Variants in STIM1 observed in about 807,000 individuals in gnomAD.
STIM1 encodes stromal interaction molecule 1.
STIM1 carries 25 observed loss-of-function variants against 74.7 expected under a neutral mutation model. The observed-to-expected ratio is 0.33, with a 90% CI of 0.24 to 0.47. The LOEUF is 0.47. Ranked by LOEUF, STIM1 falls within the 20% of genes least tolerant of loss-of-function variation. STIM1 has a pLI of 1.00. For synonymous variants in STIM1, 328 were observed against 348.8 expected (o/e 0.94, Z 0.66); for missense variants, 728 against 920.8 (o/e 0.79, Z 2.71).
intron 1 of STIM1, among the ~76,000 whole-genome samples, chr11:3,936,393 C>G (rs918290021): frequency 6.6e-6 from 1 of 152,142 alleles, no homozygotes; most frequent in Admixed American, 6.5e-5. Flanking sequence ...TGTTGGGGAG[C>G]AAGAGGCCCA....
intron 1 of STIM1, among the ~76,000 whole-genome samples, chr11:3,904,740 T>C (rs1425982434): frequency 3.3e-5 from 5 of 152,080 alleles, no homozygotes; most frequent in Admixed American, 1.3e-4. Flanking sequence ...GACTGGGCAT[T>C]ACTGTGATGC....
chr11:3,954,171 A>G (rs961747784), intron 1 of STIM1, among the ~76,000 whole-genome samples: 4 of 151,654 alleles, frequency 2.6e-5, no homozygotes, highest in Admixed American at 6.6e-5. Context: ...TTCTTCTCCC[A>G]TTCTCTTCTA....
At chr11:3,884,362 C>G (rs12294167) in intron 1 of STIM1, among the ~76,000 whole-genome samples, 2,915 of 152,172 alleles carry the variant, frequency 0.019, 96 homozygotes, top group African/African-American at 0.064. Flanking sequence ...TTTGGCTTTC[C>G]CTTTCCCAAG....
intron 1 of STIM1, among the ~76,000 whole-genome samples, chr11:3,885,474 T>C (rs1333576765): frequency 6.6e-6 from 1 of 152,166 alleles, no homozygotes; most frequent in Admixed American, 6.5e-5. Context: ...GCATGACCCA[T>C]AGTGCTCTGC....
intron 2 of STIM1, among the ~76,000 whole-genome samples, chr11:3,985,192 G>A (rs898822807): frequency 6.6e-6 from 1 of 152,210 alleles, no homozygotes; most frequent in African/African-American, 2.4e-5. Flanking sequence ...TAAGCAGGCT[G>A]TTGTTTTCCT....
intron 3 of STIM1, among the ~76,000 whole-genome samples, chr11:4,031,200 T>C (rs1411309863): frequency 6.6e-6 from 1 of 152,220 alleles, no homozygotes; most frequent in African/African-American, 2.4e-5. Flanking sequence ...ATTTTGAGGT[T>C]CACTTATGTT....
At chr11:3,892,348 G>A (rs2091920274) in intron 1 of STIM1, 1 of 1,166,924 alleles carries the variant, frequency 8.6e-7, no homozygotes, top group Non-Finnish European at 1.3e-6. Context: ...CTGACCTACA[G>A]AAGGAATGGT....
chr11:3,988,947 T>G (rs180731361), intron 2 of STIM1, among the ~76,000 whole-genome samples: 45 of 152,318 alleles, frequency 3.0e-4, no homozygotes, highest in Admixed American at 5.9e-4. Flanking sequence ...GTTTTCTGGT[T>G]GTACCAAAAA....
At chr11:4,031,699 C>A (rs1206853747) in intron 3 of STIM1, among the ~76,000 whole-genome samples, 3 of 152,076 alleles carry the variant, frequency 2.0e-5, no homozygotes, top group African/African-American at 7.2e-5. Flanking sequence ...TCTGTTAAAT[C>A]TTTTGTCTGC....
chr11:4,072,918 C>G (rs1343198002), intron 6 of STIM1, among the ~76,000 whole-genome samples: 2 of 152,154 alleles, frequency 1.3e-5, no homozygotes, highest in Admixed American at 6.5e-5. Flanking sequence ...AACTCCCTTT[C>G]TCTTCAGGGA....
intron 12 of STIM1, chr11:4,088,443 G>A (rs1310213324): frequency 2.3e-6 from 1 of 425,794 alleles, no homozygotes; most frequent in Non-Finnish European, 4.4e-6. Context: ...TTGCACAAAG[G>A]GATTGCCCTT....
chr11:4,091,319 A>C lies in STIM1; in HGVS notation c.1672A>C (p.Met558Leu). Residue 558 changes from methionine (M) to leucine (L), a missense_variant, in exon 13 of 13, where the codon ATG (methionine) becomes CTG (leucine). This residue lies in a region of STIM1 where 352 missense variants were observed against 370.1 expected (regional missense o/e 0.95). Coordinates refer to ENST00000526596, the MANE Select transcript of STIM1 (RefSeq NM_001382567.1). Reference sequence around the variant, plus strand: ...TTCCGATTCGGAGTCCTCCCTCCACATGAGTGACCGCCAGCGTGTGGCCCC... The same window carrying C: ...TTCCGATTCGGAGTCCTCCCTCCACCTGAGTGACCGCCAGCGTGTGGCCCC... The part of the protein sequence containing the change: ...THSDSESSLH[M>L]SDRQRVAPKP... The C allele has an allele frequency of 1.9e-6, 3 of 1,614,100 alleles. No homozygotes were observed. The highest frequency in any genetic ancestry group is 2.5e-6 in the Non-Finnish European group (3 of 1,180,010).
At chr11:3,929,112 A>G (rs912651631) in intron 1 of STIM1, among the ~76,000 whole-genome samples, 4 of 152,104 alleles carry the variant, frequency 2.6e-5, no homozygotes, top group South Asian at 2.1e-4. Flanking sequence ...CAGCCTCCCA[A>G]AGTGCTGGGA....
chr11:4,060,552 G>C (rs1309456965), intron 5 of STIM1, among the ~76,000 whole-genome samples: 1 of 152,154 alleles, frequency 6.6e-6, no homozygotes, highest in Non-Finnish European at 1.5e-5. Context: ...GGGGAGTGGA[G>C]GGTTCTAGGA....
chr11:4,007,859 A>T (rs550535744), intron 2 of STIM1, among the ~76,000 whole-genome samples: 2 of 152,274 alleles, frequency 1.3e-5, no homozygotes, highest in South Asian at 4.1e-4. Flanking sequence ...TGGAGAGCCC[A>T]CACCTCTTCA....
chr11:4,005,581 G>C (rs1307149942), intron 2 of STIM1, among the ~76,000 whole-genome samples: 1 of 135,636 alleles, frequency 7.4e-6, no homozygotes, highest in Non-Finnish European at 1.6e-5. Context: ...GACTGTTGTG[G>C]GGTGGGGGGA....
intron 3 of STIM1, among the ~76,000 whole-genome samples, chr11:4,037,475 A>G (rs2094113761): frequency 6.6e-6 from 1 of 152,096 alleles, no homozygotes; most frequent in African/African-American, 2.4e-5. Flanking sequence ...TAGGTGCATA[A>G]AGATTTAGGA....
chr11:4,068,690 C>T (rs925104084), intron 5 of STIM1, among the ~76,000 whole-genome samples: 1 of 152,134 alleles, frequency 6.6e-6, no homozygotes, highest in Non-Finnish European at 1.5e-5. Context: ...TGGCCACCAC[C>T]CTGACCTAGT....
chr11:3,894,479 C>A (rs1357723729), intron 1 of STIM1, among the ~76,000 whole-genome samples: 1 of 152,090 alleles, frequency 6.6e-6, no homozygotes, highest in African/African-American at 2.4e-5. Context: ...GAACAAGAGC[C>A]CAAAAGTGAC....
Sources: gnomAD v4.1 joint callset for allele counts (sites outside exome capture counted in the v4.1 genomes callset) on GRCh38, gnomAD v4.1.1 for gene constraint, gnomAD v4.1.1 regional missense constraint, MANE v1.5 for transcripts, NCBI Gene and HGNC (gene_info 2026-07-23, HGNC 2026-07-21) for gene names.